The following EPHA7 variants were observed in gnomAD, a reference collection of about 807,000 sequenced individuals.
EPHA7 encodes ephrin type-A receptor 7.
EPHA7 carries 25 observed loss-of-function variants against 112.6 expected under a neutral mutation model. That is an observed-to-expected ratio of 0.22 (90% confidence interval 0.16 to 0.31). EPHA7 has a LOEUF of 0.31. Ranked by LOEUF, EPHA7 falls within the 10% of genes least tolerant of loss-of-function variation. The probability of loss-of-function intolerance (pLI) is 1.00; values close to 1 mark genes in which losing one functional copy is unlikely to be tolerated. For missense variants in EPHA7, 962 were observed against 1,212.6 expected, an observed-to-expected ratio of 0.79 and a Z score of 3.07; for synonymous variants, 437 against 406.5, an observed-to-expected ratio of 1.07 and a Z score of -0.90.
intron 5 of EPHA7, among the ~76,000 whole-genome samples, chr6:93,318,330 G>A (rs1773906100): frequency 6.6e-6 from 1 of 151,850 alleles, no homozygotes; most frequent in Non-Finnish European, 1.5e-5. Context: ...CCATCTGCTT[G>A]GTGAGAAAGT....
At position 93,269,668 on chromosome 6, in the gene EPHA7, C is replaced by A; in HGVS notation, c.1450-8G>T. On this transcript the variant is annotated splice_polypyrimidine_tract_variant and splice_region_variant and intron_variant, in intron 6 of 16. Coordinates refer to ENST00000369303, the MANE Select transcript of EPHA7 (RefSeq NM_004440.4). Reference sequence around the variant, plus strand: ...GGTCCGTTCCCTTTGATCCTAGAAACAATATTTAGAGGAAATATTTAATTG... The same window carrying A: ...GGTCCGTTCCCTTTGATCCTAGAAAAAATATTTAGAGGAAATATTTAATTG... The A allele has an allele frequency of 1.3e-6, 2 of 1,500,348 alleles. No homozygotes were observed. The highest frequency in any genetic ancestry group is 2.4e-5 in the East Asian group (1 of 41,396). The allele number at this position is 1,500,348 out of a possible 1,614,324, so 92.9% of individuals were successfully genotyped here.
At chr6:93,318,096 T>C (rs761061066) in intron 5 of EPHA7, among the ~76,000 whole-genome samples, 1 of 152,206 alleles carries the variant, frequency 6.6e-6, no homozygotes, top group Non-Finnish European at 1.5e-5. Flanking sequence ...TTATAAGACA[T>C]ACTGTACTCC....
At chr6:93,333,291 T>G (rs1407916888) in intron 5 of EPHA7, among the ~76,000 whole-genome samples, 1 of 151,906 alleles carries the variant, frequency 6.6e-6, no homozygotes, top group Non-Finnish European at 1.5e-5. Flanking sequence ...CTAACACTGA[T>G]AGTCATTTAG....
chr6:93,418,487 T>C (rs960758545), intron 1 of EPHA7, among the ~76,000 whole-genome samples: 2 of 152,188 alleles, frequency 1.3e-5, no homozygotes, highest in African/African-American at 4.8e-5. Context: ...CCTTACAAAT[T>C]GCACAGCTCC....
intron 5 of EPHA7, among the ~76,000 whole-genome samples, chr6:93,324,168 A>AT (rs542189802): frequency 1.3e-3 from 204 of 151,366 alleles, no homozygotes; most frequent in African/African-American, 4.7e-3. Flanking sequence ...GGATAGACTG[A>AT]TTTTTTAAAA....
chr6:93,390,828 ATC>A lies in EPHA7; in HGVS notation c.832+19671_832+19672del, dbSNP rs570433847. ...GCAACCTACAAACTCATGCAGGTTTATCTCTCTCTCCAAAATTTATCATAGTT... is the reference window on the plus strand; with the variant it reads ...GCAACCTACAAACTCATGCAGGTTTATCTCTCTCCAAAATTTATCATAGTT... On this transcript the variant is annotated intron_variant, in intron 3 of 16. Transcript: ENST00000369303. Among the ~76,000 whole-genome samples the A allele has an allele frequency of 1.7e-3, 266 of 152,038 alleles. 3 individuals carry two copies. The highest frequency in any genetic ancestry group is 6.3e-3 in the African/African-American group (261 of 41,552).
At chr6:93,283,183 G>A (rs1185773670) in intron 5 of EPHA7, among the ~76,000 whole-genome samples, 1 of 152,138 alleles carries the variant, frequency 6.6e-6, no homozygotes, top group Non-Finnish European at 1.5e-5. Context: ...AGCACTCTGT[G>A]TCTAGCTCAG....
chr6:93,357,112 A>G (rs1582586098), intron 4 of EPHA7, 60 bp from the exon 5 acceptor site: 28 of 1,334,916 alleles, frequency 2.1e-5, no homozygotes, highest in Non-Finnish European at 2.7e-5. Context: ...ACATACAAAC[A>G]AAAAGAACAA....
chr6:93,247,308 A>G lies in EPHA7; in HGVS notation c.2533-323T>C, dbSNP rs528617350. Reference sequence around the variant, plus strand: ...CATGTTATGGAACTATCTTACTTGTATATCTTTGTGAGTATCCATATGTGC... The same window carrying G: ...CATGTTATGGAACTATCTTACTTGTGTATCTTTGTGAGTATCCATATGTGC... On this transcript the variant is annotated intron_variant, in intron 14 of 16. Coordinates refer to ENST00000369303, the MANE Select transcript of EPHA7 (RefSeq NM_004440.4). Among the ~76,000 whole-genome samples the G allele has an allele frequency of 3.9e-5, 6 of 152,304 alleles. No individual in the cohort carries two copies. In the South Asian group the frequency reaches 1.0e-3, roughly 26 times the overall value.
At chr6:93,327,368 C>A (rs1304019712) in intron 5 of EPHA7, among the ~76,000 whole-genome samples, 1 of 151,512 alleles carries the variant, frequency 6.6e-6, no homozygotes, top group Non-Finnish European at 1.5e-5. Context: ...ACACCTCAAC[C>A]CTGGTTTTTA....
At position 93,243,469 on chromosome 6, in the gene EPHA7, C is replaced by G; in HGVS notation, c.2954G>C (p.Arg985Thr). 6.2e-7 allele frequency: 1 copy of G among 1,613,560 alleles called. No homozygotes were observed. Among genetic ancestry groups the G allele is most frequent in the African/African-American group, 1.3e-5 (1 of 75,034 alleles). Reference sequence around the variant, plus strand: ...TCCATGTAAATGTAGCATTTGTGCTCTCATAGTCTGAATGCTGCTCATGAT... The same window carrying G: ...TCCATGTAAATGTAGCATTTGTGCTGTCATAGTCTGAATGCTGCTCATGAT... ...KKIMSSIQTM[R>T]AQMLHLHGTG... Residue 985 changes from arginine to threonine, a missense_variant, in exon 17 of 17, where the codon AGA (arginine) becomes ACA (threonine). By Grantham distance (71) the Arg-to-Thr change is moderately conservative. Transcript: ENST00000369303.
At chr6:93,414,242 G>A (rs1779115214) in intron 2 of EPHA7, among the ~76,000 whole-genome samples, 1 of 151,736 alleles carries the variant, frequency 6.6e-6, no homozygotes, top group Non-Finnish European at 1.5e-5. Flanking sequence ...GTTGAACATA[G>A]TACATTTTTA....
At chr6:93,265,644 A>T (rs1006336877) in intron 7 of EPHA7, among the ~76,000 whole-genome samples, 9 of 151,754 alleles carry the variant, frequency 5.9e-5, no homozygotes, top group Non-Finnish European at 1.3e-4. Context: ...GACATATGAA[A>T]CAATGAAAAT....
At position 93,327,287 on chromosome 6, in the gene EPHA7, A is replaced by C. The variant is rs375083435; in HGVS notation, c.1324+29430T>G. 1.1e-4 allele frequency among the ~76,000 whole-genome samples: 17 copies of C among 151,570 alleles called. No homozygotes were observed. In the East Asian group the frequency reaches 2.9e-3, roughly 26 times the overall value. ...TCTGAGCATCAAATTGAATTTTTCT[A>C]TTATCTCAATGGCCATTCATTCTCT... is the stretch of plus-strand genomic sequence containing the variant. On this transcript the variant is annotated intron_variant, in intron 5 of 16. Coordinates refer to ENST00000369303, the MANE Select transcript of EPHA7 (RefSeq NM_004440.4).
At chr6:93,415,197 G>GT (rs1463840634) in intron 1 of EPHA7, among the ~76,000 whole-genome samples, 1 of 151,972 alleles carries the variant, frequency 6.6e-6, no homozygotes, top group African/African-American at 2.4e-5. Context: ...TCTGCCAGCA[G>GT]TATTTTCTAT....
At chr6:93,384,474 G>T (rs945625384) in intron 3 of EPHA7, among the ~76,000 whole-genome samples, 2 of 151,992 alleles carry the variant, frequency 1.3e-5, no homozygotes, top group African/African-American at 4.8e-5. Flanking sequence ...AAATTCTTTG[G>T]TACAACATAG....
rs970440519 is a variant in EPHA7, at chr6:93,394,047, A to C, written c.832+16454T>G. On this transcript the variant is annotated intron_variant, in intron 3 of 16. Transcript: ENST00000369303. Reference sequence around the variant, plus strand: ...TTCTGAGTGTATGTGTTTGCATGTAATTGTGTCCATCGGATTTATCTTGAC... The same window carrying C: ...TTCTGAGTGTATGTGTTTGCATGTACTTGTGTCCATCGGATTTATCTTGAC... 2.0e-5 allele frequency among the ~76,000 whole-genome samples: 3 copies of C among 151,754 alleles called. No homozygotes were observed. The Admixed American group carries it at 2.0e-4, about 10-fold the overall frequency.
At chr6:93,300,022 G>A (rs1479979989) in intron 5 of EPHA7, among the ~76,000 whole-genome samples, 1 of 152,106 alleles carries the variant, frequency 6.6e-6, no homozygotes, top group East Asian at 1.9e-4. Context: ...TAACTACTGG[G>A]TAGTAGGCTT....
chr6:93,381,892 C>T (rs943696791), intron 3 of EPHA7, among the ~76,000 whole-genome samples: 6 of 152,060 alleles, frequency 3.9e-5, no homozygotes, highest in African/African-American at 9.7e-5. Flanking sequence ...TCTGAAATTC[C>T]TCACTTTGAT....
Sources: gnomAD v4.1 joint callset for allele counts (sites outside exome capture counted in the v4.1 genomes callset) on GRCh38, gnomAD v4.1.1 for gene constraint, MANE v1.5 for transcripts, NCBI Gene and HGNC (gene_info 2026-07-23, HGNC 2026-07-21) for gene names.